Variants in ABCB1 observed in about 807,000 individuals in gnomAD.
The protein encoded by ABCB1 is ATP binding cassette subfamily B member 1.
A neutral mutation model predicts 142.0 loss-of-function variants in ABCB1; 69 were observed. That is an observed-to-expected ratio of 0.49 (90% CI 0.40 to 0.59). The LOEUF (loss-of-function observed/expected upper bound fraction) is 0.59. ABCB1 is among the 20% of genes least tolerant of loss of function. The probability of loss-of-function intolerance (pLI) is 0.00; values close to 1 mark genes in which losing one functional copy is unlikely to be tolerated. For synonymous variants in ABCB1, 532 were observed against 539.2 expected (o/e 0.99, Z 0.18); for missense variants, 1,326 against 1,554.7 (o/e 0.85, Z 2.47).
At chr7:87,576,134 G>T (rs1818265617) in intron 4 of ABCB1, among the ~76,000 whole-genome samples, 1 of 151,534 alleles carries the variant, frequency 6.6e-6, no homozygotes, top group African/African-American at 2.4e-5. Context: ...CCTAGAATGG[G>T]TTAGGTACTA....
chr7:87,663,721 A>T (rs902151940), intron 1 of ABCB1, among the ~76,000 whole-genome samples: 1 of 152,194 alleles, frequency 6.6e-6, no homozygotes, highest in African/African-American at 2.4e-5. Flanking sequence ...CTATAACAAA[A>T]TACTACATAC....
chr7:87,507,977 TA>T (rs1814821787), intron 26 of ABCB1, among the ~76,000 whole-genome samples: 1 of 148,614 alleles, frequency 6.7e-6, no homozygotes, highest in Non-Finnish European at 1.5e-5. Flanking sequence ...AACTGAGGAC[TA>T]TTAGTGTAGG....
chr7:87,564,803 AT>A (rs1400916771), intron 7 of ABCB1, among the ~76,000 whole-genome samples: 1 of 152,256 alleles, frequency 6.6e-6, no homozygotes, highest in Non-Finnish European at 1.5e-5. Context: ...TGCATAATTA[AT>A]CATTAAAAGA....
intron 21 of ABCB1, among the ~76,000 whole-genome samples, chr7:87,528,703 C>A (rs1430689889): frequency 1.3e-5 from 2 of 152,134 alleles, no homozygotes; most frequent in African/African-American, 4.8e-5. Context: ...TCACATACAC[C>A]ATTAATCAAT....
intron 3 of ABCB1, among the ~76,000 whole-genome samples, chr7:87,589,993 A>G (rs964250190): frequency 2.0e-5 from 3 of 152,272 alleles, no homozygotes; most frequent in Admixed American, 2.0e-4. Context: ...AAAGAAGTAG[A>G]AGGTACTGAC....
intron 1 of ABCB1, among the ~76,000 whole-genome samples, chr7:87,704,473 G>T (rs1829416914): frequency 6.6e-6 from 1 of 152,182 alleles, no homozygotes; most frequent in Non-Finnish European, 1.5e-5. Flanking sequence ...AATACAAAAA[G>T]TAATTAAGAA....
rs561531335 is a variant in ABCB1 at position 87,644,517 on chromosome 7, G to T, written c.-330-43439C>A. On this transcript the variant is annotated intron_variant, in intron 1 of 28. Transcript: ENST00000265724. ...TATTAAAAACATCACTCTTATTAAT[G>T]ACTTTAACCTTTGTGAGCCCTTTTA... 6.6e-5 allele frequency among the ~76,000 whole-genome samples: 10 copies of T among 152,230 alleles called. No individual in the cohort carries two copies. The East Asian group carries it at 1.9e-3, about 29-fold the overall frequency.
intron 1 of ABCB1, among the ~76,000 whole-genome samples, chr7:87,695,950 AT>A (rs933102047): frequency 2.6e-5 from 4 of 152,122 alleles, no homozygotes; most frequent in Non-Finnish European, 5.9e-5. Flanking sequence ...AGATGAGGCA[AT>A]TTAGTTGGAA....
At chr7:87,610,280 C>T (rs533542528) in intron 1 of ABCB1, among the ~76,000 whole-genome samples, 65 of 147,404 alleles carry the variant, frequency 4.4e-4, no homozygotes, top group African/African-American at 1.6e-3. Flanking sequence ...CTTGGTCACC[C>T]GGGCTGTATT....
At chr7:87,509,640 G>A in intron 25 of ABCB1, among the ~76,000 whole-genome samples, 159 bp from the exon 26 acceptor site, 1 of 152,150 alleles carries the variant, frequency 6.6e-6, no homozygotes, top group East Asian at 1.9e-4. Context: ...ACCCAACAAG[G>A]TCATAATTGT....
chr7:87,506,033 G>A lies in ABCB1; in HGVS notation c.3500C>T (p.Thr1167Ile). ...CTGAGTTCCTTTGTCTCCTACTTTA[G>A]TGCTATATTTCTGTAAATAAGGTTT... is the stretch of plus-strand genomic sequence containing the variant. ...FIESLPNKYSTKVGDKGTQLS... is the reference protein window; with the variant it reads ...FIESLPNKYSIKVGDKGTQLS... Residue 1167 changes from threonine to isoleucine, a missense_variant, in exon 27 of 28, where the codon ACT (threonine) becomes ATT (isoleucine). Transcript: ENST00000622132. The A allele has an allele frequency of 6.2e-7, 1 of 1,613,882 alleles. No homozygotes were observed. The highest frequency in any genetic ancestry group is 8.5e-7 in the Non-Finnish European group (1 of 1,179,810).
intron 1 of ABCB1, among the ~76,000 whole-genome samples, chr7:87,699,845 G>GGGA (rs1447903914): frequency 6.6e-6 from 1 of 152,140 alleles, no homozygotes; most frequent in East Asian, 1.9e-4. Flanking sequence ...ACAGTTAAAG[G>GGGA]GGAGCTTTAT....
At chr7:87,554,082 C>T (rs1038764228) in intron 8 of ABCB1, 150 bp from the exon 9 acceptor site, 8 of 688,766 alleles carry the variant, frequency 1.2e-5, no homozygotes, top group African/African-American at 1.8e-5. Context: ...TATAGTAGTA[C>T]TGTTTTACTC....
At chr7:87,639,436 C>G (rs1264440588) in intron 1 of ABCB1, among the ~76,000 whole-genome samples, 3 of 151,980 alleles carry the variant, frequency 2.0e-5, no homozygotes, top group Non-Finnish European at 4.4e-5. Flanking sequence ...TGTTCATGTC[C>G]TCTGTATTCT....
intron 19 of ABCB1, among the ~76,000 whole-genome samples, chr7:87,538,867 T>C (rs1329209603): frequency 1.3e-5 from 2 of 151,886 alleles, no homozygotes; most frequent in East Asian, 3.9e-4. Flanking sequence ...GAGTTTTGAT[T>C]TGCGGAAAGA....
intron 1 of ABCB1, among the ~76,000 whole-genome samples, chr7:87,663,275 A>G (rs1824894471): frequency 6.6e-6 from 1 of 152,054 alleles, no homozygotes; most frequent in Non-Finnish European, 1.5e-5. Flanking sequence ...TTGTAAATAC[A>G]AGGTTCTTTT....
chr7:87,697,820 A>C (rs953192117), intron 1 of ABCB1, among the ~76,000 whole-genome samples: 2 of 152,148 alleles, frequency 1.3e-5, no homozygotes, highest in African/African-American at 4.8e-5. Context: ...AGTGAACCTA[A>C]GTCATTTTTT....
rs750056009 is a variant in ABCB1 at position 87,585,611 on chromosome 7, C to T, written c.187G>A (p.Ala63Thr). The T allele has an allele frequency of 2.5e-6, 4 of 1,613,868 alleles. No individual in the cohort carries two copies. Among genetic ancestry groups the T allele is most frequent in the Admixed American group, 1.7e-5 (1 of 60,002 alleles). Residue 63 changes from alanine to threonine, a missense_variant, in exon 4 of 28, where the codon GCT becomes ACT. Transcript: ENST00000622132. Reference protein sequence around the residue: ...VGTLAAIIHGAGLPLMMLVFG... With the variant: ...VGTLAAIIHGTGLPLMMLVFG... ...ACCAGCATCATGAGAGGAAGTCCAG[C>T]CCCATGGATGATGGCAGCCAAAGTT...
intron 1 of ABCB1, among the ~76,000 whole-genome samples, chr7:87,629,957 G>A (rs1821040339): frequency 6.6e-6 from 1 of 151,334 alleles, no homozygotes; most frequent in African/African-American, 2.4e-5. Context: ...AGTAAGCCTA[G>A]TATTCAGAGA....
Sources: allele counts gnomAD v4.1 joint callset (sites outside exome capture counted in the v4.1 genomes callset), GRCh38; gene constraint gnomAD v4.1.1; transcripts MANE v1.5; gene names NCBI Gene and HGNC (gene_info 2026-07-23, HGNC 2026-07-21).